NLGN1: variants seen among roughly 807,000 people sequenced by gnomAD.
The protein encoded by NLGN1 is neuroligin 1.
In NLGN1, 12 loss-of-function variants were observed where a neutral mutation model predicts 65.5. The ratio of observed to expected loss-of-function variants is 0.18; its 90% CI spans 0.12 to 0.30. The LOEUF is 0.30. Among genes scored for constraint, NLGN1 ranks in the 10% least tolerant of loss-of-function variants. The pLI, the probability that NLGN1 is intolerant of heterozygous loss-of-function variation, is 1.00. For synonymous variants in NLGN1, 350 were observed against 359.5 expected (o/e 0.97, Z 0.30); for missense variants, 750 against 1,007.1 (o/e 0.74, Z 3.46).
intron 4 of NLGN1, among the ~76,000 whole-genome samples, chr3:174,081,427 C>T (rs6770356): frequency 0.25 from 38,137 of 151,752 alleles, 6,867 homozygotes; most frequent in African/African-American, 0.52. Context: ...CTTCCTGTTA[C>T]ATATAAGGTG....
intron 2 of NLGN1, among the ~76,000 whole-genome samples, chr3:173,556,599 G>C (rs1741740451): frequency 6.6e-6 from 1 of 152,104 alleles, no homozygotes; most frequent in African/African-American, 2.4e-5. Context: ...AGGATCATTT[G>C]AGCCTATTCA....
chr3:174,076,173 AT>A (rs1740859938), intron 4 of NLGN1, among the ~76,000 whole-genome samples: 1 of 152,128 alleles, frequency 6.6e-6, no homozygotes, highest in Non-Finnish European at 1.5e-5. Flanking sequence ...TTTCAAATAA[AT>A]TTTGTTTTAT....
intron 4 of NLGN1, among the ~76,000 whole-genome samples, chr3:173,819,108 A>T (rs948041205): frequency 2.6e-5 from 4 of 151,864 alleles, no homozygotes; most frequent in Non-Finnish European, 5.9e-5. Context: ...CTCTGTAAAC[A>T]TATGGATACT....
chr3:173,606,924 A>G (rs1156895695), intron 3 of NLGN1, among the ~76,000 whole-genome samples: 1 of 151,992 alleles, frequency 6.6e-6, no homozygotes, highest in South Asian at 2.1e-4. Flanking sequence ...AATGTACAAT[A>G]CTGCAGTAGT....
At chr3:174,172,226 G>A (rs192752407) in intron 4 of NLGN1, among the ~76,000 whole-genome samples, 1 of 152,126 alleles carries the variant, frequency 6.6e-6, no homozygotes, top group Admixed American at 6.6e-5. Flanking sequence ...TAGGCGTGCA[G>A]TGCATAATAA....
At chr3:174,050,085 A>C (rs1241070722) in intron 4 of NLGN1, among the ~76,000 whole-genome samples, 1 of 152,200 alleles carries the variant, frequency 6.6e-6, no homozygotes, top group African/African-American at 2.4e-5. Context: ...TTAAAAAGTT[A>C]TAAGAACAGT....
intron 2 of NLGN1, among the ~76,000 whole-genome samples, chr3:173,510,810 G>A (rs1253723630): frequency 6.6e-6 from 1 of 152,142 alleles, no homozygotes; most frequent in Non-Finnish European, 1.5e-5. Context: ...TCACATGTAG[G>A]ATGTATGCTG....
chr3:174,180,876 A>T (rs1314058866), intron 4 of NLGN1: 1 of 151,812 alleles, frequency 6.6e-6, no homozygotes, highest in African/African-American at 2.4e-5. Flanking sequence ...AACTATAGAC[A>T]GGAGAGAATG....
intron 2 of NLGN1, among the ~76,000 whole-genome samples, chr3:173,574,062 C>CAAAAAAAA (rs1192427397): frequency 4.1e-4 from 21 of 51,832 alleles, no homozygotes; most frequent in African/African-American, 5.5e-4. Flanking sequence ...GACTCCACCT[C>CAAAAAAAA]AAAAAAAAAA....
chr3:174,273,506 C>T (rs1749891488), intron 4 of NLGN1, among the ~76,000 whole-genome samples: 1 of 151,638 alleles, frequency 6.6e-6, no homozygotes, highest in Non-Finnish European at 1.5e-5. Context: ...AAAAGAATTC[C>T]TGCCATGCTT....
At chr3:174,137,751 T>C (rs917700918) in intron 4 of NLGN1, among the ~76,000 whole-genome samples, 15 of 152,208 alleles carry the variant, frequency 9.9e-5, no homozygotes, top group African/African-American at 3.6e-4. Context: ...TATTATTTTA[T>C]CTGTTTTACA....
chr3:174,139,683 G>A (rs1030788308), intron 4 of NLGN1, among the ~76,000 whole-genome samples: 1 of 152,006 alleles, frequency 6.6e-6, no homozygotes, highest in Non-Finnish European at 1.5e-5. Context: ...GGTAAGAAAC[G>A]CCAAAATGTC....
intron 4 of NLGN1, among the ~76,000 whole-genome samples, chr3:173,925,326 T>C (rs566477945): frequency 2.0e-5 from 3 of 152,212 alleles, no homozygotes; most frequent in Admixed American, 6.5e-5. Flanking sequence ...TAATAACAGT[T>C]TGAGGAAAAA....
chr3:173,730,731 CA>C (rs1367164305), intron 3 of NLGN1, among the ~76,000 whole-genome samples: 1 of 151,942 alleles, frequency 6.6e-6, no homozygotes, highest in Non-Finnish European at 1.5e-5. Context: ...AGGAAATAGG[CA>C]AATTGTTTTC....
chr3:174,120,447 C>T (rs919025892), intron 4 of NLGN1, among the ~76,000 whole-genome samples: 2 of 151,916 alleles, frequency 1.3e-5, no homozygotes, highest in Non-Finnish European at 2.9e-5. Flanking sequence ...GCAGAGGTTG[C>T]AGTGAGCCAA....
At chr3:173,580,386 A>G (rs1189917541) in intron 2 of NLGN1, among the ~76,000 whole-genome samples, 3 of 151,914 alleles carry the variant, frequency 2.0e-5, no homozygotes, top group African/African-American at 7.2e-5. Context: ...TTGGTCTTTT[A>G]TTTCCATTAT....
At chr3:173,528,859 G>C (rs933488553) in intron 2 of NLGN1, among the ~76,000 whole-genome samples, 1 of 152,124 alleles carries the variant, frequency 6.6e-6, no homozygotes, top group African/African-American at 2.4e-5. Flanking sequence ...TAGGGTTTCT[G>C]TGTGTTGGTT....
chr3:173,771,821 G>A (rs368492622), intron 3 of NLGN1, among the ~76,000 whole-genome samples: 15 of 151,720 alleles, frequency 9.9e-5, no homozygotes, highest in Admixed American at 6.6e-4. Flanking sequence ...AGCCTTTCGG[G>A]CAGAAAATGT....
intron 3 of NLGN1, chr3:173,644,733 G>A (rs114674575): frequency 0.013 from 2,017 of 153,408 alleles, 54 homozygotes; most frequent in African/African-American, 0.045. Context: ...AGAGGGATGA[G>A]TGGGTGTTCT....
Sources: allele counts gnomAD v4.1 joint callset (sites outside exome capture counted in the v4.1 genomes callset), GRCh38; gene constraint gnomAD v4.1.1; transcripts MANE v1.5; gene names NCBI Gene and HGNC (gene_info 2026-07-23, HGNC 2026-07-21).